The following TMEM116 variants were observed in gnomAD, a reference collection of about 807,000 sequenced individuals.
TMEM116 encodes transmembrane protein 116.
In TMEM116, 38 loss-of-function variants were observed where a neutral mutation model predicts 44.3. That is an observed-to-expected ratio of 0.86 (90% CI 0.66 to 1.12). The LOEUF (loss-of-function observed/expected upper bound fraction) is 1.12, where lower values mean the gene tolerates loss of function less well. Ranked by LOEUF, TMEM116 falls within the 50% of genes most tolerant of loss-of-function variation. The pLI is 0.00. For synonymous variants in TMEM116, 132 were observed against 144.8 expected, an observed-to-expected ratio of 0.91 and a Z score of 0.64; for missense variants, 354 against 401.7, an observed-to-expected ratio of 0.88 and a Z score of 1.01.
chr12:111,995,456 G>A (rs1384261114), intron 3 of TMEM116, among the ~76,000 whole-genome samples: 1 of 152,098 alleles, frequency 6.6e-6, no homozygotes, highest in Admixed American at 6.6e-5. Context: ...CAAAAAATCA[G>A]TTCTAGGACG....
At chr12:111,964,052 T>C (rs1445437734) in intron 4 of TMEM116, among the ~76,000 whole-genome samples, 2 of 151,870 alleles carry the variant, frequency 1.3e-5, no homozygotes, top group Non-Finnish European at 2.9e-5. Context: ...GTTTTTTTTT[T>C]CTTTTTAGTT....
rs943088656 is a variant in TMEM116, at chr12:111,972,842, C to T, written c.210+18916G>A. Among the ~76,000 whole-genome samples, 4 of 152,032 alleles carry T rather than the reference C, an allele frequency of 2.6e-5. No homozygotes were observed. The South Asian group carries it at 8.3e-4, about 32-fold the overall frequency. On this transcript the variant is annotated intron_variant, in intron 4 of 10. Transcript: ENST00000552374. ...AGTGAGCTGAGATCGCTCCATTGCACTGTAGCCTGGGTGACAAGAGCAAGA... is the reference window on the plus strand; with the variant it reads ...AGTGAGCTGAGATCGCTCCATTGCATTGTAGCCTGGGTGACAAGAGCAAGA...
chr12:111,933,964 C>T lies in TMEM116; in HGVS notation c.655G>A (p.Glu219Lys), dbSNP rs747511868. The T allele has an allele frequency of 2.5e-6, 4 of 1,614,148 alleles. No homozygotes were observed. Among genetic ancestry groups the T allele is most frequent in the South Asian group, 2.2e-5 (2 of 91,072 alleles). ...FVKSTGFLGS[E>K]QWAVIHIVDQ... ...ACAATGTGAATCACTGCCCACTGTT[C>T]ACTCCCCAGAAAGCCAGTTGACTTC... The change falls in exon 9 of 11, where the codon GAA becomes AAA. Residue 219 changes from glutamate (E) to lysine (K), a missense_variant. Physicochemically the swap from Glu to Lys is moderately conservative, Grantham distance 56. Transcript: ENST00000552374.
intron 4 of TMEM116, among the ~76,000 whole-genome samples, chr12:111,971,056 C>T (rs542205583): frequency 2.0e-5 from 3 of 152,274 alleles, no homozygotes; most frequent in African/African-American, 7.2e-5. Context: ...CTGTCAACCT[C>T]GAATTCTATA....
chr12:111,944,976 G>C (rs1056821327), intron 4 of TMEM116, among the ~76,000 whole-genome samples: 9 of 151,134 alleles, frequency 6.0e-5, no homozygotes, highest in African/African-American at 2.2e-4. Context: ...CCTGGAGCCT[G>C]AGGCAGGCAA....
At chr12:111,985,478 A>T (rs954284039) in intron 4 of TMEM116, among the ~76,000 whole-genome samples, 3 of 152,244 alleles carry the variant, frequency 2.0e-5, no homozygotes, top group Non-Finnish European at 2.9e-5. Context: ...AACTTAACCA[A>T]GGACGGAAAA....
intron 4 of TMEM116, among the ~76,000 whole-genome samples, chr12:111,954,473 T>C (rs936723995): frequency 6.6e-6 from 1 of 152,232 alleles, no homozygotes; most frequent in African/African-American, 2.4e-5. Flanking sequence ...TAGTTTATAC[T>C]AATCAAGGGC....
intron 10 of TMEM116, 115 bp downstream of exon 10, chr12:111,932,471 T>C (rs1337564068): frequency 2.4e-6 from 2 of 819,880 alleles, no homozygotes; most frequent in African/African-American, 3.5e-5. Context: ...ACATTTTCTC[T>C]TTTGCAATGT....
chr12:111,943,219 C>A (rs777670501), intron 5 of TMEM116, 46 bp downstream of exon 5: 4 of 1,482,458 alleles, frequency 2.7e-6, no homozygotes, highest in Non-Finnish European at 3.8e-6. Context: ...TCACCACACC[C>A]GGCCTAGCAT....
chr12:111,990,038 G>A (rs192491861), intron 4 of TMEM116, among the ~76,000 whole-genome samples: 37 of 152,246 alleles, frequency 2.4e-4, no homozygotes, highest in African/African-American at 6.5e-4. Context: ...GGCAGATCAC[G>A]AGGTCAGGAG....
At chr12:112,003,571 A>G (rs1399610878) in intron 3 of TMEM116, 4 of 437,112 alleles carry the variant, frequency 9.2e-6, no homozygotes, top group South Asian at 3.4e-5. Flanking sequence ...CCGTCTCAAA[A>G]AAAAAAAAAA....
intron 4 of TMEM116, among the ~76,000 whole-genome samples, chr12:111,957,321 C>T (rs942715878): frequency 6.6e-6 from 1 of 152,022 alleles, no homozygotes; most frequent in Admixed American, 6.5e-5. Flanking sequence ...CCCGCCGCCA[C>T]CCCGTCTGGG....
chr12:111,981,586 C>G (rs1224988359), intron 4 of TMEM116, among the ~76,000 whole-genome samples: 1 of 152,122 alleles, frequency 6.6e-6, no homozygotes, highest in African/African-American at 2.4e-5. Context: ...GCCTCAAAGA[C>G]AGCATATGTC....
intron 4 of TMEM116, among the ~76,000 whole-genome samples, chr12:111,967,554 C>T (rs1565914044): frequency 6.6e-6 from 1 of 151,774 alleles, no homozygotes; most frequent in Non-Finnish European, 1.5e-5. Flanking sequence ...CTGAGGCCTC[C>T]CAATTTCCCT....
intron 3 of TMEM116, among the ~76,000 whole-genome samples, chr12:112,002,905 A>G (rs1342506888): frequency 6.6e-6 from 1 of 152,212 alleles, no homozygotes; most frequent in East Asian, 1.9e-4. Context: ...TGGTTAAAGA[A>G]TAGTTGTTAT....
intron 4 of TMEM116, among the ~76,000 whole-genome samples, chr12:111,968,437 C>A (rs572584698): frequency 6.6e-6 from 1 of 152,226 alleles, no homozygotes; most frequent in Non-Finnish European, 1.5e-5. Context: ...TCCAAGAATA[C>A]AATTCAAGAA....
intron 4 of TMEM116, among the ~76,000 whole-genome samples, chr12:111,978,081 T>C (rs2075762511): frequency 6.7e-6 from 1 of 149,054 alleles, no homozygotes; most frequent in Non-Finnish European, 1.5e-5. Flanking sequence ...CATAAAAACA[T>C]AGTGACTGTT....
chr12:112,008,827 T>C (rs1455596894), intron 1 of TMEM116, among the ~76,000 whole-genome samples: 3 of 151,770 alleles, frequency 2.0e-5, no homozygotes, highest in African/African-American at 7.3e-5. Context: ...AATAAATACA[T>C]AGCCAGGCAT....
intron 4 of TMEM116, among the ~76,000 whole-genome samples, chr12:111,957,315 C>T (rs993219956): frequency 1.3e-5 from 2 of 151,840 alleles, no homozygotes; most frequent in African/African-American, 4.8e-5. Context: ...CTCTGCCCCG[C>T]CGCCACCCCG....
Sources: allele counts gnomAD v4.1 joint callset (sites outside exome capture counted in the v4.1 genomes callset), GRCh38; gene constraint gnomAD v4.1.1; transcripts MANE v1.5; gene names NCBI Gene and HGNC (gene_info 2026-07-23, HGNC 2026-07-21).